Variants in FANCB observed in about 807,000 individuals in gnomAD.
FANCB encodes the protein FA complementation group B.
In FANCB, 5 loss-of-function variants were observed where a neutral mutation model predicts 38.9. The ratio of observed to expected loss-of-function variants is 0.13; its 90% confidence interval spans 0.07 to 0.27. The LOEUF (loss-of-function observed/expected upper bound fraction) is 0.27, where lower values mean the gene tolerates loss of function less well. FANCB is among the 10% of genes least tolerant of loss of function. The probability of loss-of-function intolerance (pLI) is 1.00; values close to 1 mark genes in which losing one functional copy is unlikely to be tolerated. For missense variants in FANCB, 573 were observed against 602.7 expected, an observed-to-expected ratio of 0.95 and a Z score of 0.52; for synonymous variants, 236 against 215.4, an observed-to-expected ratio of 1.10 and a Z score of -0.84.
the FANCB span, chrX:14,690,653 C>G: frequency 1.4e-5 from 12 of 870,704 alleles, no homozygotes; most frequent in Non-Finnish European, 1.8e-5. Flanking sequence ...CTTTCATAGT[C>G]TTTCTTTCTC....
the FANCB span, among the ~76,000 whole-genome samples, chrX:14,698,401 G>A: frequency 5.5e-5 from 6 of 109,328 alleles, no homozygotes; most frequent in Non-Finnish European, 7.6e-5. Flanking sequence ...TATTTTGGCC[G>A]GGAGCGGTGG....
the FANCB span, among the ~76,000 whole-genome samples, chrX:14,696,361 A>G: frequency 9.0e-6 from 1 of 110,804 alleles, no homozygotes; most frequent in South Asian, 3.8e-4. Context: ...AGAAAGAGAG[A>G]GACTCAAAAT....
chrX:14,795,968 T>C, the FANCB span, among the ~76,000 whole-genome samples: 1 of 111,767 alleles, frequency 8.9e-6, no homozygotes, highest in African/African-American at 3.3e-5. Flanking sequence ...ATAGGTGCCT[T>C]ATAATACAAA....
At chrX:14,706,950 C>T in the FANCB span, among the ~76,000 whole-genome samples, 2 of 111,855 alleles carry the variant, frequency 1.8e-5, no homozygotes, top group African/African-American at 6.5e-5. Flanking sequence ...ACTGCCAGAC[C>T]TGAGACGCCT....
At chrX:14,785,395 C>A in the FANCB span, among the ~76,000 whole-genome samples, 1 of 112,258 alleles carries the variant, frequency 8.9e-6, no homozygotes, top group African/African-American at 3.2e-5. Context: ...CTGACCTCTT[C>A]TTACACCACC....
chrX:14,839,569 A>T (rs1251961615), downstream of FANCB, among the ~76,000 whole-genome samples: 5 of 111,374 alleles, frequency 4.5e-5, no homozygotes, highest in African/African-American at 1.3e-4. Context: ...TAATTAAAGC[A>T]TCTATTTTCA....
At chrX:14,777,686 A>G in the FANCB span, among the ~76,000 whole-genome samples, 40 of 112,292 alleles carry the variant, frequency 3.6e-4, no homozygotes, top group African/African-American at 1.3e-3. Context: ...ACTCATTAGC[A>G]TCACAGTAAC....
At chrX:14,772,293 C>A in the FANCB span, among the ~76,000 whole-genome samples, 1 of 112,242 alleles carries the variant, frequency 8.9e-6, no homozygotes, top group South Asian at 3.7e-4. Flanking sequence ...GTCTATAGAA[C>A]CCTGGCTGGA....
chrX:14,870,459 C>T (rs943307010), intron 1 of FANCB, among the ~76,000 whole-genome samples: 3 of 105,205 alleles, frequency 2.9e-5, no homozygotes, highest in South Asian at 9.2e-4. Flanking sequence ...GGTGGCGGTG[C>T]GGGGCGGGGC....
the FANCB span, among the ~76,000 whole-genome samples, chrX:14,704,137 G>A: frequency 8.9e-6 from 1 of 112,099 alleles, no homozygotes; most frequent in Non-Finnish European, 1.9e-5. Flanking sequence ...TCTAGGAGCA[G>A]CAAGTGTCAA....
chrX:14,779,072 T>C, the FANCB span, among the ~76,000 whole-genome samples: 2 of 111,767 alleles, frequency 1.8e-5, no homozygotes, highest in African/African-American at 3.3e-5. Flanking sequence ...CCAACTCCTG[T>C]TCCTCAAGGT....
chrX:14,713,545 C>T, the FANCB span, among the ~76,000 whole-genome samples: 1 of 112,091 alleles, frequency 8.9e-6, no homozygotes, highest in African/African-American at 3.2e-5. Context: ...AGATTTTGAA[C>T]AGAAAGCCAA....
the FANCB span, among the ~76,000 whole-genome samples, chrX:14,789,446 T>G: frequency 4.5e-5 from 5 of 111,064 alleles, no homozygotes; most frequent in African/African-American, 1.6e-4. Flanking sequence ...AAGACCTCCC[T>G]CTACAAAAAA....
At chrX:14,787,941 G>A in the FANCB span, among the ~76,000 whole-genome samples, 1 of 87,027 alleles carries the variant, frequency 1.1e-5, no homozygotes, top group African/African-American at 4.4e-5. Context: ...TTATAAAACT[G>A]AGATCCAGTG....
the FANCB span, among the ~76,000 whole-genome samples, chrX:14,741,329 G>A: frequency 7.2e-5 from 8 of 111,527 alleles, no homozygotes; most frequent in African/African-American, 2.6e-4. Flanking sequence ...TGGGACATTA[G>A]CAGTCCTATC....
chrX:14,871,319 A>G (rs2092495385), intron 1 of FANCB, among the ~76,000 whole-genome samples: 1 of 111,687 alleles, frequency 9.0e-6, no homozygotes, highest in South Asian at 3.7e-4. Flanking sequence ...TGTGAGTGAG[A>G]TCAGACTGGA....
the FANCB span, among the ~76,000 whole-genome samples, chrX:14,706,112 CTTGGT>C: frequency 1.1e-4 from 9 of 79,773 alleles, no homozygotes; most frequent in Non-Finnish European, 2.5e-4. Context: ...GCCCAGACAT[CTTGGT>C]TTTATAAGGC....
At chrX:14,747,863 A>G in the FANCB span, among the ~76,000 whole-genome samples, 1 of 112,127 alleles carries the variant, frequency 8.9e-6, no homozygotes, top group Non-Finnish European at 1.9e-5. Context: ...GTTGATTTGT[A>G]ATGCACAATA....
the FANCB span, among the ~76,000 whole-genome samples, chrX:14,737,378 A>G: frequency 8.9e-6 from 1 of 112,282 alleles, no homozygotes. Flanking sequence ...GAAGATATGG[A>G]TTCATAAGAC....
Sources: gnomAD v4.1 joint callset for allele counts (sites outside exome capture counted in the v4.1 genomes callset) on GRCh38, gnomAD v4.1.1 for gene constraint, MANE v1.5 for transcripts, NCBI Gene and HGNC (gene_info 2026-07-23, HGNC 2026-07-21) for gene names.